CLASP2: variants seen among roughly 807,000 people sequenced by gnomAD.
CLASP2 encodes CLIP-associating protein 2.
Under a neutral mutation model 194.4 loss-of-function variants are expected in CLASP2, and 47 were observed. The ratio of observed to expected loss-of-function variants is 0.24; its 90% confidence interval spans 0.19 to 0.31. The LOEUF (loss-of-function observed/expected upper bound fraction) is 0.31. CLASP2 is among the 10% of genes least tolerant of loss of function. The pLI is 1.00. For synonymous variants in CLASP2, 619 were observed against 633.5 expected (o/e 0.98, Z 0.34); for missense variants, 1,445 against 1,823.6 (o/e 0.79, Z 3.78).
intron 1 of CLASP2, among the ~76,000 whole-genome samples, chr3:33,704,249 T>C (rs940075729): frequency 3.9e-5 from 6 of 152,224 alleles, no homozygotes; most frequent in African/African-American, 1.4e-4. Flanking sequence ...TGTGTGAATG[T>C]AGGCTCATCA....
At chr3:33,527,702 C>T (rs1364204082) in intron 34 of CLASP2, among the ~76,000 whole-genome samples, 2 of 152,166 alleles carry the variant, frequency 1.3e-5, no homozygotes, top group African/African-American at 4.8e-5. Context: ...TTACAACAAC[C>T]TGTAATCCCA....
chr3:33,686,833 T>A (rs928961640), intron 5 of CLASP2, among the ~76,000 whole-genome samples: 7 of 152,164 alleles, frequency 4.6e-5, no homozygotes, highest in African/African-American at 1.7e-4. Flanking sequence ...AACCATTAAG[T>A]CCCATCTGTC....
chr3:33,518,364 T>C (rs1469620025), intron 34 of CLASP2, among the ~76,000 whole-genome samples: 1 of 152,248 alleles, frequency 6.6e-6, no homozygotes, highest in South Asian at 2.1e-4. Flanking sequence ...CACATTTGAA[T>C]GTAACAAAAT....
Position 33,592,560 on chromosome 3 carries a change from G to A in CLASP2, c.1967-64C>T, listed in dbSNP as rs1003072013. 1.5e-5 allele frequency: 19 copies of A among 1,296,434 alleles called. No individual in the cohort carries two copies. In the African/African-American group the frequency reaches 2.7e-4, roughly 18 times the overall value. 80.3% of individuals were successfully genotyped at this position (1,296,434 alleles called of 1,614,324 possible). ...CTATAATAATGTTTAATAATGAGAG[G>A]AGAAAATCTCACTATTTTTAGGTAC... On this transcript the variant is annotated intron_variant, in intron 20 of 38. Coordinates refer to ENST00000682230, the MANE Select transcript of CLASP2 (RefSeq NM_001365631.1).
chr3:33,544,991 G>T, intron 30 of CLASP2, 150 bp from the exon 31 acceptor site: 5 of 502,188 alleles, frequency 1.0e-5, no homozygotes, highest in South Asian at 1.4e-4. Flanking sequence ...AAACTGTTTT[G>T]CTGGAAGGAT....
At chr3:33,576,418 G>A in intron 23 of CLASP2, 143 bp from the exon 24 acceptor site, 1 of 580,376 alleles carries the variant, frequency 1.7e-6, no homozygotes, top group Non-Finnish European at 3.1e-6. Context: ...TATTTTCTGG[G>A]CACATTTAGT....
At chr3:33,717,680 T>C in intron 1 of CLASP2, 128 bp downstream of exon 1, 2 of 1,009,354 alleles carry the variant, frequency 2.0e-6, no homozygotes, top group South Asian at 3.1e-5. Flanking sequence ...CCGCCTGTGC[T>C]TCCCAAAGTG....
chr3:33,672,632 C>T (rs1237729311), intron 6 of CLASP2, among the ~76,000 whole-genome samples: 6 of 151,966 alleles, frequency 3.9e-5, no homozygotes, highest in South Asian at 2.1e-4. Context: ...AGGCTTCAGA[C>T]GATCAAATTA....
Position 33,584,805 on chromosome 3 carries a change from C to G in CLASP2, c.2184G>C (p.Lys728Asn), listed in dbSNP as rs756027315. 6 of 1,611,592 alleles carry G rather than the reference C, an allele frequency of 3.7e-6. No homozygotes were observed. The highest frequency in any genetic ancestry group is 1.7e-4 in the Middle Eastern group (1 of 6,052). ...VNSASAQKRS[K>N]IPRSQGCSRE... ...TGCTACAGCCCTGGCTCCGTGGTATCTTGCTTCTTTTTTGTGCTGAGGCTG... is the reference window on the plus strand; with the variant it reads ...TGCTACAGCCCTGGCTCCGTGGTATGTTGCTTCTTTTTTGTGCTGAGGCTG... The change falls in exon 22 of 39, where the codon AAG becomes AAC. Residue 728 changes from lysine to asparagine, a missense_variant. By Grantham distance (94) the Lys-to-Asn change is moderately conservative. Around this residue, in one of 4 missense-constraint regions of CLASP2, gnomAD observed 732 missense variants for 987.9 expected, o/e 0.74. Transcript: ENST00000682230.
chr3:33,686,973 C>G lies in CLASP2; in HGVS notation c.546+87G>C. On this transcript the variant is annotated intron_variant, in intron 5 of 38. Transcript: ENST00000682230. ...TTCAGCATCCCCCTCCACCCTCTCT[C>G]TTCTTTTTTAAAAATAGAATAAGAG... 3 of 738,070 alleles carry G rather than the reference C, an allele frequency of 4.1e-6. No homozygotes were observed. In the South Asian group the frequency reaches 6.1e-5, roughly 15 times the overall value. 45.7% of individuals were successfully genotyped at this position (738,070 alleles called of 1,614,324 possible). A position where few individuals can be genotyped will look rare whatever the true frequency, so the allele number is the denominator to read the frequency against.
At chr3:33,512,557 TAAAAA>T (rs71070140) in intron 36 of CLASP2, among the ~76,000 whole-genome samples, 1 of 12,486 alleles carries the variant, frequency 8.0e-5, no homozygotes. Flanking sequence ...TAGAGTATAA[TAAAAA>T]AAAAAAAAAA....
intron 18 of CLASP2, among the ~76,000 whole-genome samples, chr3:33,600,719 T>C (rs991685614): frequency 1.7e-4 from 26 of 152,232 alleles, no homozygotes; most frequent in Admixed American, 1.6e-3. Flanking sequence ...TCAACCTTTG[T>C]TGAAAATATG....
At chr3:33,665,434 T>C (rs1039236250) in intron 6 of CLASP2, among the ~76,000 whole-genome samples, 6 of 152,106 alleles carry the variant, frequency 3.9e-5, no homozygotes, top group African/African-American at 1.4e-4. Context: ...AAAGGTCTTT[T>C]GGGACTGGGT....
chr3:33,623,417 A>G (rs897094332), intron 10 of CLASP2, among the ~76,000 whole-genome samples: 3 of 150,756 alleles, frequency 2.0e-5, no homozygotes, highest in Non-Finnish European at 3.0e-5. Flanking sequence ...TATTCTCCCT[A>G]CCCAACCCCC....
intron 30 of CLASP2, among the ~76,000 whole-genome samples, chr3:33,545,788 T>C (rs1319723438): frequency 6.6e-6 from 1 of 151,876 alleles, no homozygotes; most frequent in East Asian, 1.9e-4. Context: ...TGTGTGCTTG[T>C]AATCCCAGCT....
chr3:33,615,516 G>A (rs1158637871), intron 12 of CLASP2, among the ~76,000 whole-genome samples: 1 of 150,254 alleles, frequency 6.7e-6, no homozygotes, highest in African/African-American at 2.4e-5. Context: ...TTAGAAAAAT[G>A]AAATTGACAA....
chr3:33,667,662 G>A (rs779425412), intron 6 of CLASP2, among the ~76,000 whole-genome samples: 4 of 151,888 alleles, frequency 2.6e-5, no homozygotes, highest in Non-Finnish European at 5.9e-5. Flanking sequence ...GTTAATTTTT[G>A]GGTGTGGAGT....
At chr3:33,505,227 AAACAACAACAACAACAAC>A (rs397874790) in intron 37 of CLASP2, 4 of 117,366 alleles carry the variant, frequency 3.4e-5, no homozygotes, top group East Asian at 4.8e-4. Flanking sequence ...CCAGAGATAA[AAACAACAACAACAACAAC>A]AACAACAACA....
At chr3:33,529,505 GA>G (rs2055582020) in intron 34 of CLASP2, among the ~76,000 whole-genome samples, 2 of 150,398 alleles carry the variant, frequency 1.3e-5, no homozygotes, top group Non-Finnish European at 3.0e-5. Context: ...TAGAGAGCCA[GA>G]AATTAGACTG....
Sources: gnomAD v4.1 joint callset for allele counts (sites outside exome capture counted in the v4.1 genomes callset) on GRCh38, gnomAD v4.1.1 for gene constraint, gnomAD v4.1.1 regional missense constraint, MANE v1.5 for transcripts, NCBI Gene and HGNC (gene_info 2026-07-23, HGNC 2026-07-21) for gene names.